TMED5: variants seen among roughly 807,000 people sequenced by gnomAD.
TMED5 encodes the protein transmembrane p24 trafficking protein 5.
TMED5 carries 27 observed loss-of-function variants against 23.0 expected under a neutral mutation model. The ratio of observed to expected loss-of-function variants is 1.17; its 90% CI spans 0.86 to 1.62. The LOEUF is 1.62. Ranked by LOEUF, TMED5 falls within the 40% of genes most tolerant of loss-of-function variation. TMED5 has a pLI of 0.00. For missense variants in TMED5, 248 were observed against 273.7 expected, an observed-to-expected ratio of 0.91 and a Z score of 0.66; for synonymous variants, 97 against 100.8, an observed-to-expected ratio of 0.96 and a Z score of 0.23.
chr1:93,176,508 T>TACAC (rs34446908), intron 1 of TMED5, among the ~76,000 whole-genome samples: 10,200 of 150,120 alleles, frequency 0.068, 1,139 homozygotes, highest in African/African-American at 0.23. Context: ...GCACAGACTA[T>TACAC]ACACACACAC....
At chr1:93,177,234 A>G (rs1648946671) in intron 1 of TMED5, among the ~76,000 whole-genome samples, 1 of 152,164 alleles carries the variant, frequency 6.6e-6, no homozygotes, top group Non-Finnish European at 1.5e-5. Context: ...CAGACAAATG[A>G]TTTTACCTCT....
chr1:93,179,730 G>C (rs1649196066), intron 1 of TMED5, among the ~76,000 whole-genome samples: 1 of 152,272 alleles, frequency 6.6e-6, no homozygotes. Flanking sequence ...GTATGAGAGC[G>C]TGTAGTGGCT....
rs757203766 is a variant in TMED5 at position 93,154,826 on chromosome 1, T to C, written c.534A>G (p.Arg178=). Residue 178 remains arginine, a synonymous_variant, in exon 4 of 4, where the codon AGA becomes AGG. Transcript: ENST00000370282. ...SKSGHIQTLL[R]AFEARDRNIQ... ...TGTTTCGATCACGAGCTTCAAATGC[T>C]CTAAGCAGAGTTTGTATGTGCCCAC... The C allele has an allele frequency of 6.2e-7, 1 of 1,614,144 alleles. No individual in the cohort carries two copies.
intron 1 of TMED5, among the ~76,000 whole-genome samples, chr1:93,166,074 T>G (rs1283637922): frequency 6.6e-6 from 1 of 152,276 alleles, no homozygotes; most frequent in East Asian, 1.9e-4. Flanking sequence ...TCCATCCATG[T>G]TGCAGCAAAT....
intron 1 of TMED5, among the ~76,000 whole-genome samples, chr1:93,173,170 T>C (rs976438951): frequency 6.6e-6 from 1 of 152,194 alleles, no homozygotes; most frequent in Non-Finnish European, 1.5e-5. Flanking sequence ...TCAATAATAA[T>C]GTATATTTCA....
chr1:93,163,397 T>C (rs931897950), intron 1 of TMED5, among the ~76,000 whole-genome samples: 3 of 150,144 alleles, frequency 2.0e-5, no homozygotes, highest in African/African-American at 4.9e-5. Flanking sequence ...CAGGCTGGAG[T>C]GTAGTGGCGC....
At chr1:93,157,666 C>T (rs1393191294) in intron 2 of TMED5, among the ~76,000 whole-genome samples, 1 of 152,116 alleles carries the variant, frequency 6.6e-6, no homozygotes, top group Non-Finnish European at 1.5e-5. Context: ...CACACCATTG[C>T]ACTCTGGCCT....
intron 1 of TMED5, among the ~76,000 whole-genome samples, chr1:93,167,937 A>G (rs1648565809): frequency 6.6e-6 from 1 of 152,128 alleles, no homozygotes; most frequent in South Asian, 2.1e-4. Context: ...TTCTATACCC[A>G]GTGTTTTGAG....
In TMED5 at chr1:93,154,114, T is replaced by C. The variant is rs1409141810; in HGVS notation, c.*556A>G. 3.9e-5 allele frequency: 6 copies of C among 152,760 alleles called. No individual in the cohort carries two copies. Among genetic ancestry groups the C allele is most frequent in the African/African-American group, 1.4e-4 (6 of 41,466 alleles). The allele number at this position is 152,760 out of a possible 1,614,324, so 9.5% of individuals were successfully genotyped here. ...TGAAATGTATTTGGTTATAAAAATC[T>C]CAAAAACCTAATTGTATTTCAAAGC... On this transcript the variant is annotated 3_prime_UTR_variant, in exon 4 of 4. Transcript: ENST00000370282.
chr1:93,180,035 G>T lies in TMED5; in HGVS notation c.189+19C>A. The T allele has an allele frequency of 1.2e-6, 2 of 1,608,246 alleles. No individual in the cohort carries two copies. The highest frequency in any genetic ancestry group is 1.7e-6 in the Non-Finnish European group (2 of 1,177,044). ...CAGCTGGGTTAAAGGAAGGAGGCTG[G>T]TTTATCCTCCGCACTTACTTGGTAC... is the stretch of plus-strand genomic sequence containing the variant. On this transcript the variant is annotated intron_variant, in intron 1 of 3. Transcript: ENST00000370282.
At chr1:93,170,491 T>C (rs868765658) in intron 1 of TMED5, among the ~76,000 whole-genome samples, 5 of 152,196 alleles carry the variant, frequency 3.3e-5, no homozygotes, top group Non-Finnish European at 7.4e-5. Flanking sequence ...CAGCCCGCCA[T>C]GCCTGAGCCT....
At chr1:93,157,195 A>G (rs1175076164) in intron 2 of TMED5, among the ~76,000 whole-genome samples, 3 of 152,142 alleles carry the variant, frequency 2.0e-5, no homozygotes, top group African/African-American at 7.2e-5. Context: ...ATTGTCCTAA[A>G]TGTCTTCTTC....
At chr1:93,157,010 C>T (rs1294015177) in intron 2 of TMED5, among the ~76,000 whole-genome samples, 1 of 151,936 alleles carries the variant, frequency 6.6e-6, no homozygotes, top group Non-Finnish European at 1.5e-5. Context: ...GGTTAGTGAC[C>T]TCATTTTTGG....
At chr1:93,169,882 T>TAC (rs59467244) in intron 1 of TMED5, among the ~76,000 whole-genome samples, 18,853 of 130,444 alleles carry the variant, frequency 0.14, 1,413 homozygotes, top group Non-Finnish European at 0.16. Context: ...ACCCTGTCTG[T>TAC]ACACACACAC....
chr1:93,170,137 G>A (rs6663752), intron 1 of TMED5, among the ~76,000 whole-genome samples: 13,645 of 152,230 alleles, frequency 0.09, 2,008 homozygotes, highest in African/African-American at 0.31. Context: ...CGCTCTCAGC[G>A]CCTCCTTGGC....
At chr1:93,166,359 T>G (rs369188210) in intron 1 of TMED5, among the ~76,000 whole-genome samples, 8 of 152,250 alleles carry the variant, frequency 5.3e-5, no homozygotes, top group African/African-American at 1.9e-4. Context: ...CCATAGTGGT[T>G]GTACTAATCT....
chr1:93,178,580 G>GCTCCCCCTCCGT (rs1649026574), intron 1 of TMED5, among the ~76,000 whole-genome samples: 4 of 151,926 alleles, frequency 2.6e-5, no homozygotes, highest in Admixed American at 2.6e-4. Context: ...GCACAACCCA[G>GCTCCCCCTCCGT]CTCCCCCTCC....
intron 1 of TMED5, among the ~76,000 whole-genome samples, chr1:93,169,882 TAC>T (rs59467244): frequency 5.2e-3 from 682 of 130,582 alleles, no homozygotes; most frequent in Middle Eastern, 0.011. Flanking sequence ...ACCCTGTCTG[TAC>T]ACACACACAC....
chr1:93,173,657 TA>T, intron 1 of TMED5, among the ~76,000 whole-genome samples: 1 of 152,312 alleles, frequency 6.6e-6, no homozygotes, highest in East Asian at 1.9e-4. Context: ...TTCAATTCTT[TA>T]AGAAAAGTCA....
Sources: gnomAD v4.1 joint callset for allele counts (sites outside exome capture counted in the v4.1 genomes callset) on GRCh38, gnomAD v4.1.1 for gene constraint, MANE v1.5 for transcripts, NCBI Gene and HGNC (gene_info 2026-07-23, HGNC 2026-07-21) for gene names.